Variants in SLC25A48 observed in about 807,000 individuals in gnomAD.
SLC25A48 encodes CTC-321K16.1.
In SLC25A48, 29 loss-of-function variants were observed where a neutral mutation model predicts 32.2. The observed-to-expected ratio is 0.90, with a 90% CI of 0.67 to 1.23. The LOEUF is 1.23. Ranked by LOEUF, SLC25A48 falls within the 50% of genes most tolerant of loss-of-function variation. The pLI is 0.00. For missense variants in SLC25A48, 399 were observed against 422.7 expected (o/e 0.94, Z 0.49); for synonymous variants, 164 against 172.3 (o/e 0.95, Z 0.38).
chr5:135,878,387 T>C (rs1762205351), intron 6 of SLC25A48, among the ~76,000 whole-genome samples: 1 of 152,214 alleles, frequency 6.6e-6, no homozygotes, highest in Non-Finnish European at 1.5e-5. Flanking sequence ...CTGGCTGTTA[T>C]TCAGTCACTC....
chr5:135,765,667 G>T (rs1299708516), intron 3 of SLC25A48, among the ~76,000 whole-genome samples: 1 of 151,194 alleles, frequency 6.6e-6, no homozygotes, highest in Admixed American at 6.6e-5. Flanking sequence ...ATGTCTCTGG[G>T]GGCGTACACC....
intron 3 of SLC25A48, among the ~76,000 whole-genome samples, chr5:135,716,071 G>T (rs933241269): frequency 6.6e-6 from 1 of 152,194 alleles, no homozygotes; most frequent in African/African-American, 2.4e-5. Flanking sequence ...GGTACCTGCA[G>T]CTTGGACCCC....
chr5:135,762,400 A>T (rs562607845), intron 3 of SLC25A48, among the ~76,000 whole-genome samples: 2 of 152,314 alleles, frequency 1.3e-5, no homozygotes, highest in South Asian at 4.1e-4. Context: ...AGAGGGCAAG[A>T]GGGAGATTTT....
At chr5:135,688,345 T>C (rs1754066574) in intron 3 of SLC25A48, among the ~76,000 whole-genome samples, 1 of 152,156 alleles carries the variant, frequency 6.6e-6, no homozygotes, top group African/African-American at 2.4e-5. Flanking sequence ...GTGGATACAG[T>C]TGAATAGTTG....
chr5:135,768,703 A>C (rs936560115), intron 3 of SLC25A48, among the ~76,000 whole-genome samples: 1 of 151,718 alleles, frequency 6.6e-6, no homozygotes. Flanking sequence ...AGGAATGTGC[A>C]CACCCTTGTT....
intron 1 of SLC25A48, among the ~76,000 whole-genome samples, chr5:135,605,944 C>T (rs1751923671): frequency 1.3e-5 from 2 of 152,158 alleles, no homozygotes; most frequent in Non-Finnish European, 1.5e-5. Flanking sequence ...ATTTAAGATT[C>T]AGCTCAAGCA....
At chr5:135,743,598 T>C (rs1755562433) in intron 3 of SLC25A48, among the ~76,000 whole-genome samples, 1 of 152,152 alleles carries the variant, frequency 6.6e-6, no homozygotes, top group Non-Finnish European at 1.5e-5. Flanking sequence ...ACACACGAGG[T>C]ATAATGGAAA....
chr5:135,655,026 G>T (rs1181854718), intron 3 of SLC25A48, among the ~76,000 whole-genome samples: 1 of 152,214 alleles, frequency 6.6e-6, no homozygotes, highest in Non-Finnish European at 1.5e-5. Flanking sequence ...GGCGGAAGCT[G>T]GGGGACCTAG....
intron 4 of SLC25A48, among the ~76,000 whole-genome samples, chr5:135,820,184 T>A (rs1735783226): frequency 6.6e-6 from 1 of 152,202 alleles, no homozygotes. Flanking sequence ...GAAGGCTAGA[T>A]AAGCAAATTG....
intron 1 of SLC25A48, among the ~76,000 whole-genome samples, chr5:135,604,159 TCA>T (rs1175885799): frequency 1.3e-5 from 2 of 152,190 alleles, no homozygotes; most frequent in African/African-American, 4.8e-5. Flanking sequence ...TTAAGAAACC[TCA>T]GAGTCAACCC....
chr5:135,718,499 A>G (rs768627585), intron 3 of SLC25A48, among the ~76,000 whole-genome samples: 4 of 152,226 alleles, frequency 2.6e-5, no homozygotes, highest in Non-Finnish European at 5.9e-5. Context: ...AATGGGAATA[A>G]CAGTAATATG....
At chr5:135,621,187 G>A (rs1752317789) in intron 1 of SLC25A48, among the ~76,000 whole-genome samples, 1 of 152,206 alleles carries the variant, frequency 6.6e-6, no homozygotes, top group South Asian at 2.1e-4. Flanking sequence ...CTTACTGGAT[G>A]TGTAATCTTG....
chr5:135,616,298 G>A (rs1041829299), intron 1 of SLC25A48, among the ~76,000 whole-genome samples: 1 of 152,162 alleles, frequency 6.6e-6, no homozygotes, highest in African/African-American at 2.4e-5. Context: ...CGTGCACCTG[G>A]AAAAGCTGCA....
intron 1 of SLC25A48, among the ~76,000 whole-genome samples, chr5:135,600,237 G>A (rs1751762850): frequency 6.6e-6 from 1 of 152,230 alleles, no homozygotes; most frequent in South Asian, 2.1e-4. Context: ...ACATTTCAAA[G>A]GAACAGCTTG....
In SLC25A48 at chr5:135,789,413, C is replaced by T. The variant is rs531110094; in HGVS notation, c.-520-23110C>T. Among the ~76,000 whole-genome samples, 19 of 150,196 alleles carry T rather than the reference C, an allele frequency of 1.3e-4. No individual in the cohort carries two copies. In the South Asian group the frequency reaches 3.6e-3, roughly 28 times the overall value. On this transcript the variant is annotated intron_variant, in intron 3 of 10. Transcript: ENST00000646290. ...AGGGTGTTATTACTCCCCAGGTGGC[C>T]GGGGTGTATACCCCACTGCAATATG...
At chr5:135,858,140 A>C (rs961053054) in intron 4 of SLC25A48, among the ~76,000 whole-genome samples, 1 of 151,762 alleles carries the variant, frequency 6.6e-6, no homozygotes, top group East Asian at 1.9e-4. Context: ...TCTTAAATAA[A>C]CCCCCGAGGC....
At chr5:135,635,375 A>G (rs1046922333) in intron 3 of SLC25A48, among the ~76,000 whole-genome samples, 2 of 152,230 alleles carry the variant, frequency 1.3e-5, no homozygotes, top group Admixed American at 6.5e-5. Context: ...TGCTAAGTCC[A>G]TAATTAAACA....
chr5:135,701,350 T>C (rs895477788), intron 3 of SLC25A48, among the ~76,000 whole-genome samples: 2 of 152,168 alleles, frequency 1.3e-5, no homozygotes, highest in African/African-American at 4.8e-5. Flanking sequence ...GGAGTTTTTT[T>C]CTGATAATCA....
intron 3 of SLC25A48, among the ~76,000 whole-genome samples, chr5:135,640,162 G>A (rs1580745367): frequency 6.6e-6 from 1 of 152,300 alleles, no homozygotes; most frequent in East Asian, 1.9e-4. Context: ...GGAGATTGCA[G>A]ACTGTGGACG....
Sources: allele counts gnomAD v4.1 joint callset (sites outside exome capture counted in the v4.1 genomes callset), GRCh38; gene constraint gnomAD v4.1.1; transcripts MANE v1.5; gene names NCBI Gene and HGNC (gene_info 2026-07-23, HGNC 2026-07-21).